Variants in EIF2AK2 observed in about 807,000 individuals in gnomAD.
The protein encoded by EIF2AK2 is interferon-induced, double-stranded RNA-activated protein kinase.
Under a neutral mutation model 70.5 loss-of-function variants are expected in EIF2AK2, and 40 were observed. The ratio of observed to expected loss-of-function variants is 0.57; its 90% CI spans 0.44 to 0.74. EIF2AK2 has a LOEUF of 0.74. Among genes scored for constraint, EIF2AK2 ranks in the 30% least tolerant of loss-of-function variants. The pLI, the probability that EIF2AK2 is intolerant of heterozygous loss-of-function variation, is 0.00. For synonymous variants in EIF2AK2, 198 were observed against 220.9 expected (o/e 0.90, Z 0.92); for missense variants, 555 against 644.3 (o/e 0.86, Z 1.50).
intron 8 of EIF2AK2, among the ~76,000 whole-genome samples, chr2:37,137,560 T>A (rs1026800083): frequency 4.6e-5 from 7 of 152,232 alleles, no homozygotes; most frequent in African/African-American, 1.7e-4. Context: ...CCTCCTACCT[T>A]GGCCTCTCAA....
At position 37,138,253 on chromosome 2, in the gene EIF2AK2, C is replaced by A; in HGVS notation, c.687+17G>T. On this transcript the variant is annotated intron_variant, in intron 8 of 16. Transcript: ENST00000233057. The stretch of plus-strand genomic sequence containing the variant: ...AAAAATAAGATTAAGTAGGAAGCTT[C>A]GAGACTAATACGATACCATAAGCAA... 1 of 1,571,318 alleles carries A rather than the reference C, an allele frequency of 6.4e-7. No homozygotes were observed. The highest frequency in any genetic ancestry group is 1.2e-5 in the South Asian group (1 of 86,762).
intron 13 of EIF2AK2, among the ~76,000 whole-genome samples, chr2:37,119,715 C>T (rs1335030214): frequency 6.6e-6 from 1 of 151,438 alleles, no homozygotes; most frequent in Non-Finnish European, 1.5e-5. Flanking sequence ...CCTCAGCCTC[C>T]CGAGTAGCTG....
At chr2:37,140,784 G>A (rs1675301900) in intron 5 of EIF2AK2, among the ~76,000 whole-genome samples, 1 of 151,972 alleles carries the variant, frequency 6.6e-6, no homozygotes, top group African/African-American at 2.4e-5. Flanking sequence ...CCTGGTTTTG[G>A]CTCAAAAGCC....
At chr2:37,128,086 T>A (rs1354184224) in intron 10 of EIF2AK2, among the ~76,000 whole-genome samples, 1 of 152,134 alleles carries the variant, frequency 6.6e-6, no homozygotes, top group Non-Finnish European at 1.5e-5. Context: ...CCCATGAAAC[T>A]CCATGACAAC....
chr2:37,130,034 C>T (rs2148689509), intron 10 of EIF2AK2, among the ~76,000 whole-genome samples: 1 of 152,332 alleles, frequency 6.6e-6, no homozygotes, highest in South Asian at 2.1e-4. Context: ...AGTGGTCCCA[C>T]AATATCCCCT....
In EIF2AK2 at chr2:37,107,508, T is replaced by C. The variant is rs776884947; in HGVS notation, c.1499A>G (p.Asp500Gly). The change falls in exon 16 of 17, where the codon GAT (aspartate) becomes GGT (glycine). Residue 500 changes from aspartate to glycine, a missense_variant. Coordinates refer to ENST00000233057, the MANE Select transcript of EIF2AK2 (RefSeq NM_001135651.3). ...ATCAAATATATCTGAGATGATGCCA[T>C]CCCGTAGGTCTGTGAAAAACTGGAA... is the stretch of plus-strand genomic sequence containing the variant. ...ETSKFFTDLR[D>G]GIISDIFDKK... The C allele has an allele frequency of 1.2e-6, 2 of 1,612,038 alleles. No individual in the cohort carries two copies. The highest frequency in any genetic ancestry group is 1.7e-6 in the Non-Finnish European group (2 of 1,179,562).
At chr2:37,134,443 G>A (rs1675054681) in intron 10 of EIF2AK2, among the ~76,000 whole-genome samples, 1 of 152,174 alleles carries the variant, frequency 6.6e-6, no homozygotes, top group Non-Finnish European at 1.5e-5. Context: ...TGACTACCAA[G>A]TATCACCTGA....
chr2:37,148,153 A>G (rs545526161), intron 2 of EIF2AK2, among the ~76,000 whole-genome samples: 7 of 152,254 alleles, frequency 4.6e-5, no homozygotes, highest in African/African-American at 1.7e-4. Flanking sequence ...CCCCATCTCA[A>G]TTTTGAAATT....
chr2:37,147,058 T>C lies in EIF2AK2; in HGVS notation c.120-85A>G, dbSNP rs1354718024. On this transcript the variant is annotated intron_variant, in intron 3 of 16. Transcript: ENST00000233057. ...GTACTCTAGTCATCACTACCTCCTA[T>C]GACTACCTTTGAGGGTTTGAACCTA... The C allele has an allele frequency of 1.1e-5, 14 of 1,308,080 alleles. No individual in the cohort carries two copies. In the Admixed American group the frequency reaches 2.2e-4, roughly 21 times the overall value. The allele number at this position is 1,308,080 out of a possible 1,614,324, so 81.0% of individuals were successfully genotyped here.
chr2:37,153,971 C>T (rs1675833844), intron 1 of EIF2AK2, among the ~76,000 whole-genome samples: 1 of 152,214 alleles, frequency 6.6e-6, no homozygotes, highest in African/African-American at 2.4e-5. Flanking sequence ...TCCACATCCT[C>T]ACCATCACTT....
In EIF2AK2 at chr2:37,101,968, T is replaced by G. The variant is rs552352220; in HGVS notation, c.*5305A>C. 6.6e-5 allele frequency: 10 copies of G among 152,144 alleles called. No homozygotes were observed. Among genetic ancestry groups the G allele is most frequent in the Non-Finnish European group, 1.5e-4 (10 of 68,032 alleles). 9.4% of individuals were successfully genotyped at this position (152,144 alleles called of 1,614,324 possible). On this transcript the variant is annotated 3_prime_UTR_variant, in exon 17 of 17. Transcript: ENST00000233057. ...TGAGATTTACTTTAAAATATTCCAG[T>G]AGGGCCGGATATTGTAATCCCAGCA...
Position 37,107,125 on chromosome 2 carries a change from C to G in EIF2AK2, c.*148G>C. 3 of 1,011,052 alleles carry G rather than the reference C, an allele frequency of 3.0e-6. No individual in the cohort carries two copies. The highest frequency in any genetic ancestry group is 4.0e-6 in the Non-Finnish European group (3 of 748,116). 62.6% of individuals were successfully genotyped at this position (1,011,052 alleles called of 1,614,324 possible). On this transcript the variant is annotated 3_prime_UTR_variant, in exon 17 of 17. Transcript: ENST00000233057. ...TTGAAGCAAAAAGAAGAAAACCTTTCTGTTTCTGCAGAAAGATTAGTAAAA... is the reference window on the plus strand; with the variant it reads ...TTGAAGCAAAAAGAAGAAAACCTTTGTGTTTCTGCAGAAAGATTAGTAAAA...
At chr2:37,108,001 C>G (rs902656706) in intron 15 of EIF2AK2, among the ~76,000 whole-genome samples, 3 of 151,998 alleles carry the variant, frequency 2.0e-5, no homozygotes, top group Non-Finnish European at 4.4e-5. Flanking sequence ...AAAAAATTAA[C>G]CAGGCATGGT....
intron 9 of EIF2AK2, 23 bp downstream of exon 9, chr2:37,136,960 G>A (rs755144765): frequency 5.0e-6 from 8 of 1,592,786 alleles, no homozygotes; most frequent in Non-Finnish European, 6.0e-6. Flanking sequence ...ATCAAAATAT[G>A]TTCAATGCAT....
intron 10 of EIF2AK2, among the ~76,000 whole-genome samples, chr2:37,131,114 C>T (rs1346914874): frequency 6.6e-6 from 1 of 152,164 alleles, no homozygotes; most frequent in Non-Finnish European, 1.5e-5. Context: ...TATCACTAAA[C>T]CTCTTTATGA....
rs79371583 is a variant in EIF2AK2 at position 37,146,833 on chromosome 2, G to A, written c.240+20C>T. On this transcript the variant is annotated intron_variant, in intron 4 of 16. Coordinates refer to ENST00000233057, the MANE Select transcript of EIF2AK2 (RefSeq NM_001135651.3). ...GTATTTGCAAGTTCCCATTTATTAG[G>A]AAAAAAGGCAATCACTCACCTTCTT... 1.4e-6 allele frequency: 2 copies of A among 1,470,970 alleles called. No individual in the cohort carries two copies. Among genetic ancestry groups the A allele is most frequent in the Admixed American group, 4.6e-5 (2 of 43,898 alleles). 91.1% of individuals were successfully genotyped at this position (1,470,970 alleles called of 1,614,324 possible).
rs200618009 is a variant in EIF2AK2 at position 37,139,731 on chromosome 2, T to G, written c.416A>C (p.Gln139Pro). The change falls in exon 6 of 17, where the codon CAG (glutamine) becomes CCG (proline). Residue 139 changes from glutamine (Q) to proline (P), a missense_variant. By Grantham distance (76) the Gln-to-Pro change is moderately conservative (BLOSUM62 -1). Transcript: ENST00000233057. ...ACCTGTACCAATACTATATTCTTTCTGTCCCATTTTGCATTTATAATGAAA... is the reference window on the plus strand; with the variant it reads ...ACCTGTACCAATACTATATTCTTTCGGTCCCATTTTGCATTTATAATGAAA... Reference protein sequence around the residue: ...EGFHYKCKMGQKEYSIGTGST... With the variant: ...EGFHYKCKMGPKEYSIGTGST... 93 of 1,611,724 alleles carry G rather than the reference T, an allele frequency of 5.8e-5. No individual in the cohort carries two copies. Among genetic ancestry groups the G allele is most frequent in the Non-Finnish European group, 7.5e-5 (89 of 1,179,386 alleles).
intron 9 of EIF2AK2, 166 bp downstream of exon 9, chr2:37,136,817 A>G: frequency 1.7e-6 from 1 of 578,782 alleles, no homozygotes; most frequent in East Asian, 3.5e-5. Context: ...ACATAGTCAA[A>G]GATTTCTCGA....
chr2:37,138,497 G>T lies in EIF2AK2; in HGVS notation c.593+12C>A. The T allele has an allele frequency of 6.2e-7, 1 of 1,613,098 alleles. No individual in the cohort carries two copies. On this transcript the variant is annotated intron_variant, in intron 7 of 16. Transcript: ENST00000233057. ...AATATGTTAAGTATCTCAATTGTTT[G>T]TCTACACTTACAGTGTGCTGGTCAC...
Sources: gnomAD v4.1 joint callset for allele counts (sites outside exome capture counted in the v4.1 genomes callset) on GRCh38, gnomAD v4.1.1 for gene constraint, MANE v1.5 for transcripts, NCBI Gene and HGNC (gene_info 2026-07-23, HGNC 2026-07-21) for gene names.